The following BBIP1 variants were observed in gnomAD, a reference collection of about 807,000 sequenced individuals.
BBIP1 encodes the protein BBSome-interacting protein 1.
BBIP1 carries 6 observed loss-of-function variants against 8.9 expected under a neutral mutation model. That is an observed-to-expected ratio of 0.67 (90% CI 0.37 to 1.33). The LOEUF (loss-of-function observed/expected upper bound fraction) is 1.33. BBIP1 is among the 40% of genes most tolerant of loss of function. The probability of loss-of-function intolerance (pLI) is 0.02; values close to 1 mark genes in which losing one functional copy is unlikely to be tolerated. For synonymous variants in BBIP1, 32 were observed against 33.4 expected, an observed-to-expected ratio of 0.96 and a Z score of 0.14; for missense variants, 111 against 109.2, an observed-to-expected ratio of 1.02 and a Z score of -0.07.
At chr10:110,904,602 T>C (rs917171282) in intron 2 of BBIP1, 1 of 152,204 alleles carries the variant, frequency 6.6e-6, no homozygotes, top group African/African-American at 2.4e-5. Context: ...GTTAAGCTTT[T>C]TTAGAGGAAT....
chr10:110,905,178 T>C (rs1234068863), intron 2 of BBIP1, among the ~76,000 whole-genome samples: 2 of 152,200 alleles, frequency 1.3e-5, no homozygotes, highest in Non-Finnish European at 2.9e-5. Flanking sequence ...TCATGAAATA[T>C]TTTACTCTGT....
intron 2 of BBIP1, among the ~76,000 whole-genome samples, chr10:110,915,504 T>C (rs904616342): frequency 4.6e-5 from 7 of 152,162 alleles, no homozygotes; most frequent in Non-Finnish European, 1.0e-4. Flanking sequence ...ACTACTGTCA[T>C]AGATTCATTC....
intron 2 of BBIP1, chr10:110,902,994 A>T (rs1424613669): frequency 6.6e-6 from 1 of 151,634 alleles, no homozygotes; most frequent in Non-Finnish European, 1.5e-5. Flanking sequence ...GAATTGAACT[A>T]TCAAAACCAC....
Position 110,918,165 on chromosome 10 carries a change from G to A in BBIP1, c.-8C>T. 2.6e-6 allele frequency: 4 copies of A among 1,535,324 alleles called. No homozygotes were observed. The highest frequency in any genetic ancestry group is 1.4e-5 in the African/African-American group (1 of 73,098). On this transcript the variant is annotated 5_prime_UTR_variant, in exon 2 of 4. Coordinates refer to ENST00000448814, the MANE Select transcript of BBIP1 (RefSeq NM_001195305.3). ...TGCTGCAGCTTTAAGCATCCAACCC[G>A]GTATTACCAAGATGACTTAGAGTTC... is the stretch of plus-strand genomic sequence containing the variant.
chr10:110,918,152 A>C lies in BBIP1; in HGVS notation c.6T>G (p.Leu2=), dbSNP rs1186420743. The stretch of plus-strand genomic sequence containing the variant: ...GTTCTGGTCTTTTTGCTGCAGCTTT[A>C]AGCATCCAACCCGGTATTACCAAGA... M[L]KAAAKRPELS... Residue 2 remains leucine, a synonymous_variant, in exon 2 of 4, where the codon CTT becomes CTG. Transcript: ENST00000448814. 6 of 1,535,978 alleles carry C rather than the reference A, an allele frequency of 3.9e-6. No individual in the cohort carries two copies. The South Asian group carries it at 7.1e-5, about 18-fold the overall frequency.
intron 2 of BBIP1, chr10:110,907,821 T>C (rs758880171): frequency 2.0e-5 from 14 of 696,996 alleles, no homozygotes; most frequent in South Asian, 1.1e-4. Context: ...TCCATAGTTA[T>C]TAAATTTGAG....
chr10:110,918,060 G>A, intron 2 of BBIP1, 61 bp downstream of exon 2: 1 of 1,412,006 alleles, frequency 7.1e-7, no homozygotes, highest in Non-Finnish European at 9.7e-7. Flanking sequence ...AAATTAAGTC[G>A]AGAAGGTAGG....
intron 2 of BBIP1, 79 bp downstream of exon 2, chr10:110,918,042 G>A (rs1846467282): frequency 7.8e-7 from 1 of 1,288,724 alleles, no homozygotes; most frequent in South Asian, 1.3e-5. Context: ...TAAGTACTAA[G>A]GAAGCAGAAA....
intron 2 of BBIP1, among the ~76,000 whole-genome samples, chr10:110,908,993 C>T (rs896332133): frequency 1.3e-5 from 2 of 152,136 alleles, no homozygotes; most frequent in Non-Finnish European, 2.9e-5. Flanking sequence ...AAAATGGGTG[C>T]TTCAACTGAG....
chr10:110,918,694 C>T (rs930321354), intron 1 of BBIP1, among the ~76,000 whole-genome samples: 16 of 152,294 alleles, frequency 1.1e-4, no homozygotes, highest in African/African-American at 3.1e-4. Flanking sequence ...CCACAGGGAG[C>T]CTCACGGGGG....
chr10:110,907,063 T>C (rs1335956067), intron 2 of BBIP1: 1 of 152,266 alleles, frequency 6.6e-6, no homozygotes, highest in African/African-American at 2.4e-5. Flanking sequence ...GAAGCACTAC[T>C]TACTTAATAA....
At chr10:110,901,387 C>A in intron 3 of BBIP1, 151 bp downstream of exon 3, 1 of 608,776 alleles carries the variant, frequency 1.6e-6, no homozygotes, top group Non-Finnish European at 2.9e-6. Flanking sequence ...TACTGGATGT[C>A]ATGAAAAAGC....
chr10:110,901,169 T>C (rs974548307), intron 3 of BBIP1: 1 of 444,762 alleles, frequency 2.2e-6, no homozygotes, highest in African/African-American at 2.0e-5. Flanking sequence ...CACATGCCTG[T>C]AGTACTAGCA....
chr10:110,906,447 A>G (rs1027771350), intron 2 of BBIP1: 1 of 152,272 alleles, frequency 6.6e-6, no homozygotes, highest in Non-Finnish European at 1.5e-5. Flanking sequence ...TGATAAAGCA[A>G]TTGTTGAACA....
At chr10:110,918,513 C>G (rs1444571097) in intron 1 of BBIP1, among the ~76,000 whole-genome samples, 1 of 152,226 alleles carries the variant, frequency 6.6e-6, no homozygotes, top group African/African-American at 2.4e-5. Context: ...CTCCTCCCTC[C>G]AAAGGCCAAG....
chr10:110,914,336 G>C (rs913497199), intron 2 of BBIP1, among the ~76,000 whole-genome samples: 35 of 151,974 alleles, frequency 2.3e-4, no homozygotes, highest in African/African-American at 7.7e-4. Flanking sequence ...TGGGGGTTCT[G>C]AGAGGGGGTG....
intron 2 of BBIP1, chr10:110,902,119 A>G (rs1198041933): frequency 6.3e-6 from 1 of 157,638 alleles, no homozygotes; most frequent in Non-Finnish European, 1.4e-5. Flanking sequence ...TCTAACAAAA[A>G]GAATCCTATG....
intron 2 of BBIP1, chr10:110,903,520 AG>A (rs1407627864): frequency 1.3e-5 from 2 of 152,328 alleles, no homozygotes; most frequent in Non-Finnish European, 2.9e-5. Flanking sequence ...AGAAAGAAAC[AG>A]GAAGGGAAGG....
intron 2 of BBIP1, among the ~76,000 whole-genome samples, chr10:110,909,591 C>T (rs1047573658): frequency 6.6e-6 from 1 of 152,222 alleles, no homozygotes; most frequent in African/African-American, 2.4e-5. Flanking sequence ...GAATCCTTCG[C>T]TAAGATCTTC....
Sources: allele counts gnomAD v4.1 joint callset (sites outside exome capture counted in the v4.1 genomes callset), GRCh38; gene constraint gnomAD v4.1.1; transcripts MANE v1.5; gene names NCBI Gene and HGNC (gene_info 2026-07-23, HGNC 2026-07-21).